RPTOR: variants seen among roughly 807,000 people sequenced by gnomAD.
RPTOR encodes regulatory associated protein of MTOR complex 1.
Under a neutral mutation model 169.9 loss-of-function variants are expected in RPTOR, and 21 were observed. The observed-to-expected ratio is 0.12, with a 90% CI of 0.09 to 0.18. The LOEUF is 0.18. Among genes scored for constraint, RPTOR ranks in the 10% least tolerant of loss-of-function variants. The probability of loss-of-function intolerance (pLI) is 1.00; values close to 1 mark genes in which losing one functional copy is unlikely to be tolerated. For missense variants in RPTOR, 1,133 were observed against 1,855.9 expected (o/e 0.61, Z 7.16); for synonymous variants, 732 against 753.2 (o/e 0.97, Z 0.46).
At chr17:80,661,896 C>T (rs1441479037) in intron 3 of RPTOR, among the ~76,000 whole-genome samples, 1 of 152,124 alleles carries the variant, frequency 6.6e-6, no homozygotes, top group Non-Finnish European at 1.5e-5. Flanking sequence ...ACACCAGGGC[C>T]TCGGTAATTC....
intron 24 of RPTOR, among the ~76,000 whole-genome samples, chr17:80,926,780 C>T (rs748093764): frequency 6.6e-6 from 1 of 152,242 alleles, no homozygotes; most frequent in African/African-American, 2.4e-5. Flanking sequence ...CAGCAGAGCC[C>T]GCTCCTAACT....
intron 6 of RPTOR, chr17:80,773,792 T>A: frequency 1.0e-6 from 1 of 985,346 alleles, no homozygotes; most frequent in Non-Finnish European, 1.2e-6. Context: ...ACTGTGGCGC[T>A]GCCAGCAAAC....
At chr17:80,851,946 G>A (rs1053674481) in intron 11 of RPTOR, among the ~76,000 whole-genome samples, 8 of 152,222 alleles carry the variant, frequency 5.3e-5, no homozygotes, top group African/African-American at 1.9e-4. Flanking sequence ...ATCTTTGTAA[G>A]CTTTAGATCT....
chr17:80,748,638 G>A (rs535747134), intron 5 of RPTOR, among the ~76,000 whole-genome samples: 8 of 107,206 alleles, frequency 7.5e-5, no homozygotes, highest in African/African-American at 3.1e-4. Flanking sequence ...TTTAGAGGCC[G>A]TGGCGAGAGG....
At chr17:80,559,377 C>G (rs1236595796) in intron 1 of RPTOR, among the ~76,000 whole-genome samples, 1 of 152,152 alleles carries the variant, frequency 6.6e-6, no homozygotes, top group South Asian at 2.1e-4. Flanking sequence ...TTTGCCATAC[C>G]TGTTTGGGAG....
At chr17:80,918,939 T>G (rs569446508) in intron 21 of RPTOR, among the ~76,000 whole-genome samples, 28 of 152,224 alleles carry the variant, frequency 1.8e-4, no homozygotes, top group African/African-American at 6.5e-4. Context: ...CACCATCCTC[T>G]GTGGAAAAGG....
chr17:80,664,619 A>C (rs1440521128), intron 3 of RPTOR, among the ~76,000 whole-genome samples: 3 of 151,884 alleles, frequency 2.0e-5, no homozygotes, highest in African/African-American at 7.3e-5. Context: ...CCTAAGAAGC[A>C]CTTAGTAGCA....
intron 2 of RPTOR, among the ~76,000 whole-genome samples, chr17:80,629,220 A>C (rs1293054450): frequency 2.0e-5 from 3 of 148,916 alleles, no homozygotes. Flanking sequence ...ATAGTACCAC[A>C]GCTCTTCCAT....
chr17:80,641,666 C>T (rs1054636056), intron 2 of RPTOR, among the ~76,000 whole-genome samples: 4 of 152,160 alleles, frequency 2.6e-5, no homozygotes, highest in African/African-American at 7.2e-5. Flanking sequence ...TGTGCAGTAG[C>T]ATTGTGTCCA....
intron 1 of RPTOR, among the ~76,000 whole-genome samples, chr17:80,624,407 T>C (rs1229530495): frequency 6.6e-6 from 1 of 152,186 alleles, no homozygotes; most frequent in Admixed American, 6.5e-5. Context: ...ATTAAAAGAT[T>C]GAAGAACTGA....
intron 5 of RPTOR, among the ~76,000 whole-genome samples, chr17:80,739,530 T>C (rs933682891): frequency 1.3e-5 from 2 of 152,220 alleles, no homozygotes; most frequent in Non-Finnish European, 2.9e-5. Flanking sequence ...TACACACACT[T>C]TTCCAGCGTC....
At position 80,600,965 on chromosome 17, in the gene RPTOR, C is replaced by A. The variant is rs1303232150; in HGVS notation, c.163-24726C>A. Among the ~76,000 whole-genome samples, 4 of 151,790 alleles carry A rather than the reference C, an allele frequency of 2.6e-5. No individual in the cohort carries two copies. The South Asian group carries it at 8.3e-4, about 32-fold the overall frequency. Reference sequence around the variant, plus strand: ...CTGCAGTGTAACTGTGAAACGCCTCCCATTGAGAGGCGAAGTTGCTGTTCT... The same window carrying A: ...CTGCAGTGTAACTGTGAAACGCCTCACATTGAGAGGCGAAGTTGCTGTTCT... On this transcript the variant is annotated intron_variant, in intron 1 of 33. Transcript: ENST00000306801.
intron 23 of RPTOR, 76 bp downstream of exon 23, chr17:80,923,749 T>C: frequency 7.1e-7 from 1 of 1,413,758 alleles, no homozygotes; most frequent in Non-Finnish European, 9.5e-7. Context: ...GGCCTCAGCC[T>C]CAGGCTGCTC....
At chr17:80,744,073 TCCTGGTTACGAGCACAGC>T (rs2066529182) in intron 5 of RPTOR, among the ~76,000 whole-genome samples, 3 of 17,852 alleles carry the variant, frequency 1.7e-4, no homozygotes, top group Non-Finnish European at 3.1e-4. Flanking sequence ...ACTAGCACTG[TCCTGGTTACGAGCACAGC>T]CCTGGTTACT....
intron 21 of RPTOR, among the ~76,000 whole-genome samples, chr17:80,918,622 C>G (rs2068708682): frequency 6.6e-6 from 1 of 152,202 alleles, no homozygotes; most frequent in African/African-American, 2.4e-5. Flanking sequence ...CAAGCACCAG[C>G]TTTGCCCTGA....
intron 1 of RPTOR, among the ~76,000 whole-genome samples, chr17:80,611,808 G>A (rs12452339): frequency 0.21 from 31,076 of 147,500 alleles, 3,296 homozygotes; most frequent in East Asian, 0.28. Context: ...TGTTTCTTTA[G>A]TCTTTTCTAA....
intron 1 of RPTOR, among the ~76,000 whole-genome samples, chr17:80,584,960 T>C (rs965757140): frequency 6.6e-6 from 1 of 152,206 alleles, no homozygotes; most frequent in East Asian, 1.9e-4. Flanking sequence ...TCATAAAATA[T>C]AGAAAGAGCG....
chr17:80,830,781 C>T (rs1320395459), intron 9 of RPTOR, among the ~76,000 whole-genome samples: 1 of 150,776 alleles, frequency 6.6e-6, no homozygotes, highest in African/African-American at 2.4e-5. Flanking sequence ...GGCGGGGTCT[C>T]GCTCTGTCAC....
chr17:80,711,733 T>C (rs2066192629), intron 4 of RPTOR, among the ~76,000 whole-genome samples: 1 of 150,490 alleles, frequency 6.6e-6, no homozygotes, highest in Admixed American at 6.7e-5. Flanking sequence ...AACATATAGT[T>C]ATACATCAGT....
Sources: gnomAD v4.1 joint callset for allele counts (sites outside exome capture counted in the v4.1 genomes callset) on GRCh38, gnomAD v4.1.1 for gene constraint, MANE v1.5 for transcripts, NCBI Gene and HGNC (gene_info 2026-07-23, HGNC 2026-07-21) for gene names.